Variants in RECK observed in about 807,000 individuals in gnomAD.
RECK encodes reversion inducing cysteine rich protein with kazal motifs.
RECK carries 69 observed loss-of-function variants against 115.1 expected under a neutral mutation model. The observed-to-expected ratio is 0.60, with a 90% CI of 0.49 to 0.73. RECK has a LOEUF of 0.73. Among genes scored for constraint, RECK ranks in the 30% least tolerant of loss-of-function variants. The pLI is 0.00. For missense variants in RECK, 1,047 were observed against 1,203.7 expected (o/e 0.87, Z 1.93); for synonymous variants, 414 against 419.7 (o/e 0.99, Z 0.17).
chr9:36,064,269 A>G (rs1418120644), intron 5 of RECK, among the ~76,000 whole-genome samples: 1 of 152,110 alleles, frequency 6.6e-6, no homozygotes, highest in African/African-American at 2.4e-5. Flanking sequence ...TCTCTGTTTC[A>G]TCATGGCTTT....
chr9:36,078,957 A>G (rs1173742472), intron 6 of RECK, among the ~76,000 whole-genome samples: 4 of 152,056 alleles, frequency 2.6e-5, no homozygotes, highest in African/African-American at 9.7e-5. Flanking sequence ...GTGTAGTGGC[A>G]TGATCTCGGC....
chr9:36,098,440 TC>T (rs1194349790), intron 10 of RECK, among the ~76,000 whole-genome samples: 1 of 152,214 alleles, frequency 6.6e-6, no homozygotes, highest in Non-Finnish European at 1.5e-5. Flanking sequence ...ATTCAGTGCC[TC>T]CTCACCCTCA....
In RECK at chr9:36,058,912, T is replaced by C. The variant is rs376517838; in HGVS notation, c.234+11T>C. 8.0e-6 allele frequency: 12 copies of C among 1,503,238 alleles called. No individual in the cohort carries two copies. In the African/African-American group the frequency reaches 1.4e-4, roughly 17 times the overall value. 93.1% of individuals were successfully genotyped at this position (1,503,238 alleles called of 1,614,324 possible). ...TGCCCAGAGACAATGGTAAGTCTTATTGTAACTTAACTGTAGAAGCTTCTG... is the reference window on the plus strand; with the variant it reads ...TGCCCAGAGACAATGGTAAGTCTTACTGTAACTTAACTGTAGAAGCTTCTG... On this transcript the variant is annotated intron_variant, in intron 3 of 20. Coordinates refer to ENST00000377966, the MANE Select transcript of RECK (RefSeq NM_021111.3).
Position 36,105,208 on chromosome 9 carries a change from G to A in RECK, c.1501G>A (p.Ala501Thr), listed in dbSNP as rs1823750102. The A allele has an allele frequency of 6.2e-7, 1 of 1,614,002 alleles. No homozygotes were observed. Among genetic ancestry groups the A allele is most frequent in the African/African-American group, 1.3e-5 (1 of 75,014 alleles). The change falls in exon 13 of 21, where the codon GCC (alanine) becomes ACC (threonine). Residue 501 changes from alanine to threonine, a missense_variant. Transcript: ENST00000377966. ...TCCCTGTAACCCAAATCCTTGCCCT[G>A]CCAATGAGCTCTGTGAAGTAAACCG... Reference protein sequence around the residue: ...THPCNPNPCPANELCEVNRKG... With the variant: ...THPCNPNPCPTNELCEVNRKG...
chr9:36,121,198 C>T (rs1824448901), intron 19 of RECK, among the ~76,000 whole-genome samples: 1 of 152,214 alleles, frequency 6.6e-6, no homozygotes. Context: ...AAATGTTGCA[C>T]CCAACACTTG....
intron 1 of RECK, among the ~76,000 whole-genome samples, chr9:36,038,202 A>G (rs975095599): frequency 6.6e-6 from 1 of 151,802 alleles, no homozygotes; most frequent in African/African-American, 2.4e-5. Context: ...TGTTCCAGCT[A>G]CCCGCGAGGC....
At chr9:36,051,916 TA>T (rs1821320218) in intron 1 of RECK, among the ~76,000 whole-genome samples, 1 of 152,184 alleles carries the variant, frequency 6.6e-6, no homozygotes, top group African/African-American at 2.4e-5. Flanking sequence ...ATTATTGGTT[TA>T]AAAATAGCTC....
intron 1 of RECK, among the ~76,000 whole-genome samples, chr9:36,051,318 GA>G (rs1380937818): frequency 1.3e-5 from 2 of 152,096 alleles, no homozygotes; most frequent in African/African-American, 4.8e-5. Flanking sequence ...TTTCCACTCT[GA>G]AAAAGGGAGA....
intron 6 of RECK, among the ~76,000 whole-genome samples, chr9:36,075,418 G>A (rs1471781216): frequency 1.3e-5 from 2 of 152,132 alleles, no homozygotes; most frequent in African/African-American, 4.8e-5. Context: ...TCTGTTTTGA[G>A]TGTTCATTTT....
intron 16 of RECK, among the ~76,000 whole-genome samples, chr9:36,116,334 G>T (rs1266013199): frequency 6.6e-6 from 1 of 152,062 alleles, no homozygotes; most frequent in Non-Finnish European, 1.5e-5. Flanking sequence ...CTCCATGTTG[G>T]TCAGGCTGGT....
chr9:36,096,987 C>T (rs1823371523), intron 10 of RECK, among the ~76,000 whole-genome samples: 1 of 151,846 alleles, frequency 6.6e-6, no homozygotes, highest in Non-Finnish European at 1.5e-5. Flanking sequence ...ATAAATAACT[C>T]CTACAACATC....
At chr9:36,062,572 GGTTCAAGCA>G (rs2132585565) in intron 4 of RECK, among the ~76,000 whole-genome samples, 1 of 152,142 alleles carries the variant, frequency 6.6e-6, no homozygotes, top group African/African-American at 2.4e-5. Flanking sequence ...CCACCTCCTG[GGTTCAAGCA>G]GTTCTCCCAC....
At chr9:36,059,040 TAAA>T (rs993245137) in intron 3 of RECK, 139 bp downstream of exon 3, 1 of 436,746 alleles carries the variant, frequency 2.3e-6, no homozygotes, top group South Asian at 6.4e-5. Context: ...CTTAAATACT[TAAA>T]AAAAATCTTC....
intron 14 of RECK, among the ~76,000 whole-genome samples, 156 bp from the exon 15 acceptor site, chr9:36,109,801 G>A (rs1207066488): frequency 2.0e-5 from 3 of 151,350 alleles, no homozygotes; most frequent in South Asian, 2.1e-4. Context: ...CTGGGATCAC[G>A]CCAGTGCACT....
At chr9:36,122,259 T>G (rs1824488332) in intron 20 of RECK, among the ~76,000 whole-genome samples, 1 of 152,222 alleles carries the variant, frequency 6.6e-6, no homozygotes, top group African/African-American at 2.4e-5. Context: ...AAGCAGTCTG[T>G]GAATCACTAG....
intron 6 of RECK, among the ~76,000 whole-genome samples, chr9:36,074,739 T>G (rs1226262831): frequency 6.6e-6 from 1 of 152,246 alleles, no homozygotes; most frequent in African/African-American, 2.4e-5. Flanking sequence ...TTGGAATGCA[T>G]GGAGAAAGTG....
At chr9:36,041,809 C>T (rs143333183) in intron 1 of RECK, among the ~76,000 whole-genome samples, 131 of 145,586 alleles carry the variant, frequency 9.0e-4, no homozygotes, top group African/African-American at 3.3e-3. Flanking sequence ...TCCACACCCT[C>T]ATAAAATGTC....
At chr9:36,113,309 C>T (rs1439316981) in intron 16 of RECK, among the ~76,000 whole-genome samples, 1 of 152,168 alleles carries the variant, frequency 6.6e-6, no homozygotes, top group Non-Finnish European at 1.5e-5. Flanking sequence ...ATCCTGAAAA[C>T]CCTGGTGTAA....
intron 1 of RECK, among the ~76,000 whole-genome samples, chr9:36,042,664 A>G (rs1408041114): frequency 6.6e-6 from 1 of 151,668 alleles, no homozygotes; most frequent in Non-Finnish European, 1.5e-5. Context: ...TCTTTTTCAT[A>G]TGACTTCTTT....
Sources: gnomAD v4.1 joint callset for allele counts (sites outside exome capture counted in the v4.1 genomes callset) on GRCh38, gnomAD v4.1.1 for gene constraint, MANE v1.5 for transcripts, NCBI Gene and HGNC (gene_info 2026-07-23, HGNC 2026-07-21) for gene names.